USH2A: variants seen among roughly 807,000 people sequenced by gnomAD.
USH2A encodes the protein Usher syndrome 2A (autosomal recessive, mild).
A neutral mutation model predicts 538.9 loss-of-function variants in USH2A; 443 were observed. The observed-to-expected ratio is 0.82, with a 90% confidence interval of 0.76 to 0.89. USH2A has a LOEUF of 0.89. Ranked by LOEUF, USH2A falls within the 40% of genes least tolerant of loss-of-function variation. The pLI is 0.00. For missense variants in USH2A, 6,633 were observed against 6,324.8 expected (o/e 1.05, Z -1.65); for synonymous variants, 2,413 against 2,273.5 (o/e 1.06, Z -1.75).
chr1:216,361,350 A>C (rs1422226716), intron 4 of USH2A, among the ~76,000 whole-genome samples: 1 of 152,164 alleles, frequency 6.6e-6, no homozygotes, highest in Non-Finnish European at 1.5e-5. Context: ...CAGGGTTTGC[A>C]AAAATAGTCT....
At chr1:216,148,379 C>T (rs2033757182) in intron 21 of USH2A, among the ~76,000 whole-genome samples, 1 of 151,956 alleles carries the variant, frequency 6.6e-6, no homozygotes, top group African/African-American at 2.4e-5. Flanking sequence ...CATTGCCGCC[C>T]TTCTTCCCAA....
At chr1:216,115,980 T>C (rs143590583) in intron 21 of USH2A, among the ~76,000 whole-genome samples, 1 of 151,510 alleles carries the variant, frequency 6.6e-6, no homozygotes, top group Non-Finnish European at 1.5e-5. Context: ...AACAAGTGAC[T>C]CTAGCAAATA....
chr1:216,021,721 A>G (rs1459397292), intron 32 of USH2A, among the ~76,000 whole-genome samples: 7 of 152,046 alleles, frequency 4.6e-5, no homozygotes, highest in Non-Finnish European at 4.4e-5. Context: ...TTGTCTGAGA[A>G]CCCTAATGGA....
intron 32 of USH2A, among the ~76,000 whole-genome samples, chr1:216,032,471 T>C (rs530020648): frequency 1.3e-5 from 2 of 152,246 alleles, no homozygotes; most frequent in East Asian, 1.9e-4. Flanking sequence ...TCTGAACCTG[T>C]GGTAGGAAGA....
rs536223223 is a variant in USH2A at position 216,062,033 on chromosome 1, A to C, written c.6049+8068T>G. ...TTTCCCATGCAAACACCCAGTCAGAAGGTTATATTAGAGATGAGCCAACTA... is the reference window on the plus strand; with the variant it reads ...TTTCCCATGCAAACACCCAGTCAGACGGTTATATTAGAGATGAGCCAACTA... On this transcript the variant is annotated intron_variant, in intron 30 of 71. Transcript: ENST00000307340. Among the ~76,000 whole-genome samples, 7 of 152,328 alleles carry C rather than the reference A, an allele frequency of 4.6e-5. No homozygotes were observed. The South Asian group carries it at 1.0e-3, about 23-fold the overall frequency.
At chr1:215,882,981 A>G (rs1322372485) in intron 41 of USH2A, among the ~76,000 whole-genome samples, 2 of 152,186 alleles carry the variant, frequency 1.3e-5, no homozygotes, top group African/African-American at 4.8e-5. Flanking sequence ...TTATTGATAT[A>G]CTACTTTCTT....
intron 15 of USH2A, among the ~76,000 whole-genome samples, chr1:216,210,240 G>C (rs1425212438): frequency 6.7e-6 from 1 of 148,350 alleles, no homozygotes; most frequent in African/African-American, 2.6e-5. Context: ...GATCAACTAA[G>C]TATACCACTG....
chr1:215,864,205 C>T (rs188127327), intron 44 of USH2A, among the ~76,000 whole-genome samples: 10 of 152,204 alleles, frequency 6.6e-5, no homozygotes, highest in African/African-American at 2.4e-4. Flanking sequence ...AGTCTAAACG[C>T]ATGAGAAATA....
At chr1:216,321,148 T>A (rs2037600865) in intron 9 of USH2A, among the ~76,000 whole-genome samples, 1 of 152,182 alleles carries the variant, frequency 6.6e-6, no homozygotes, top group Non-Finnish European at 1.5e-5. Context: ...AGCAGCCAGT[T>A]GTCTTAAACA....
chr1:216,392,675 G>T (rs1337418795), intron 3 of USH2A, among the ~76,000 whole-genome samples: 1 of 151,668 alleles, frequency 6.6e-6, no homozygotes, highest in East Asian at 1.9e-4. Context: ...AAAAAAAAGT[G>T]AGCAGACAAA....
chr1:215,958,312 C>T (rs1174776341), intron 37 of USH2A, among the ~76,000 whole-genome samples: 1 of 152,090 alleles, frequency 6.6e-6, no homozygotes, highest in Non-Finnish European at 1.5e-5. Flanking sequence ...AATATACTGA[C>T]ATTCTAAAGC....
chr1:215,820,463 C>T (rs1662980056), intron 47 of USH2A, among the ~76,000 whole-genome samples: 3 of 151,674 alleles, frequency 2.0e-5, no homozygotes, highest in Admixed American at 2.0e-4. Flanking sequence ...TTAATCAATA[C>T]ATAATAGATG....
chr1:215,965,175 T>C, intron 37 of USH2A, 142 bp downstream of exon 37: 1 of 935,814 alleles, frequency 1.1e-6, no homozygotes, highest in Non-Finnish European at 1.6e-6. Flanking sequence ...GGGCAGTAGC[T>C]TATCCGTATA....
chr1:215,922,692 G>C (rs1222200538), intron 38 of USH2A, among the ~76,000 whole-genome samples: 2 of 152,056 alleles, frequency 1.3e-5, no homozygotes, highest in Non-Finnish European at 2.9e-5. Flanking sequence ...TGGTTAAGTA[G>C]GTTGAGAGTA....
At chr1:215,866,037 G>C (rs1664459315) in intron 44 of USH2A, among the ~76,000 whole-genome samples, 1 of 152,158 alleles carries the variant, frequency 6.6e-6, no homozygotes, top group South Asian at 2.1e-4. Flanking sequence ...ATCATCAATA[G>C]ATGATTACCC....
At chr1:216,249,492 G>A (rs1459984689) in intron 12 of USH2A, among the ~76,000 whole-genome samples, 1 of 152,070 alleles carries the variant, frequency 6.6e-6, no homozygotes. Flanking sequence ...AAAGAACAAA[G>A]GATGCCATAC....
At chr1:216,012,579 T>C (rs1271511048) in intron 32 of USH2A, among the ~76,000 whole-genome samples, 1 of 152,166 alleles carries the variant, frequency 6.6e-6, no homozygotes, top group Non-Finnish European at 1.5e-5. Flanking sequence ...CCAGCCTTTA[T>C]TAGCCAAATC....
intron 14 of USH2A, 142 bp from the exon 15 acceptor site, chr1:216,217,692 A>C: frequency 1.0e-6 from 1 of 959,816 alleles, no homozygotes; most frequent in Middle Eastern, 2.7e-4. Flanking sequence ...GAGCTAAACA[A>C]ACAAAGAATC....
chr1:216,208,373 C>T (rs1037664335), intron 15 of USH2A, among the ~76,000 whole-genome samples: 1 of 152,020 alleles, frequency 6.6e-6, no homozygotes, highest in Non-Finnish European at 1.5e-5. Flanking sequence ...GCTGTGTTAC[C>T]TTACTTTTAA....
Sources: allele counts gnomAD v4.1 joint callset (sites outside exome capture counted in the v4.1 genomes callset), GRCh38; gene constraint gnomAD v4.1.1; transcripts MANE v1.5; gene names NCBI Gene and HGNC (gene_info 2026-07-23, HGNC 2026-07-21).